The following RBFOX1 variants were observed in gnomAD, a reference collection of about 807,000 sequenced individuals.
RBFOX1 encodes RNA binding fox-1 homolog 1, also known as RNA binding protein fox-1 homolog 1.
RBFOX1 carries 8 observed loss-of-function variants against 57.7 expected under a neutral mutation model. That is an observed-to-expected ratio of 0.14 (90% CI 0.08 to 0.25). The LOEUF (loss-of-function observed/expected upper bound fraction) is 0.25, where lower values mean the gene tolerates loss of function less well. RBFOX1 is among the 10% of genes least tolerant of loss of function. The pLI is 1.00. For missense variants in RBFOX1, 611 were observed against 548.5 expected (o/e 1.11, Z -1.14); for synonymous variants, 326 against 222.4 (o/e 1.47, Z -4.15).
chr16:6,086,881 G>C (rs182319367), intron 1 of RBFOX1, among the ~76,000 whole-genome samples: 1 of 152,150 alleles, frequency 6.6e-6, no homozygotes, highest in East Asian at 1.9e-4. Flanking sequence ...TTCTGGTTTA[G>C]GGTCTTTCCT....
intron 3 of RBFOX1, among the ~76,000 whole-genome samples, chr16:6,734,124 G>T (rs898525074): frequency 2.0e-5 from 3 of 152,126 alleles, no homozygotes; most frequent in African/African-American, 7.2e-5. Flanking sequence ...ACAGGGATCC[G>T]CCAGAATTAT....
chr16:7,626,485 G>T (rs2060090727), intron 10 of RBFOX1, among the ~76,000 whole-genome samples: 1 of 152,162 alleles, frequency 6.6e-6, no homozygotes, highest in Non-Finnish European at 1.5e-5. Context: ...CAGAGTGGGC[G>T]AACGTGACAG....
intron 5 of RBFOX1, among the ~76,000 whole-genome samples, chr16:7,531,649 C>T (rs974513604): frequency 6.6e-6 from 1 of 152,058 alleles, no homozygotes; most frequent in African/African-American, 2.4e-5. Context: ...TGTGATCATA[C>T]CACGATTACG....
At chr16:6,059,412 C>T (rs7200198) in intron 1 of RBFOX1, among the ~76,000 whole-genome samples, 46,859 of 151,822 alleles carry the variant, frequency 0.31, 7,319 homozygotes, top group Admixed American at 0.33. Flanking sequence ...TATTATTGCA[C>T]GCAATATAAA....
intron 3 of RBFOX1, among the ~76,000 whole-genome samples, chr16:5,785,632 A>C (rs1597244884): frequency 6.6e-6 from 1 of 151,690 alleles, no homozygotes; most frequent in African/African-American, 2.4e-5. Context: ...GGTTCAAGTG[A>C]TTCTCCTGCC....
At chr16:6,492,600 ATAAG>A (rs934970347) in intron 2 of RBFOX1, among the ~76,000 whole-genome samples, 75 of 144,010 alleles carry the variant, frequency 5.2e-4, no homozygotes, top group African/African-American at 1.8e-3. Flanking sequence ...AAATAAATAA[ATAAG>A]TATGTACTTT....
At chr16:5,977,403 C>T (rs1475342104) in intron 4 of RBFOX1, among the ~76,000 whole-genome samples, 2 of 152,188 alleles carry the variant, frequency 1.3e-5, no homozygotes, top group African/African-American at 4.8e-5. Context: ...CTATGTGTCC[C>T]TACGATCCCT....
intron 2 of RBFOX1, among the ~76,000 whole-genome samples, chr16:6,597,056 G>A (rs1272288839): frequency 6.6e-6 from 1 of 152,150 alleles, no homozygotes. Context: ...GCCCCCTACA[G>A]TGGCTGTTTG....
intron 3 of RBFOX1, among the ~76,000 whole-genome samples, chr16:6,672,869 T>C (rs1421893967): frequency 6.6e-6 from 1 of 152,136 alleles, no homozygotes; most frequent in African/African-American, 2.4e-5. Context: ...TATGGGTCAC[T>C]TGCCCCCTTT....
chr16:5,954,878 C>G (rs1865733), intron 4 of RBFOX1, among the ~76,000 whole-genome samples: 33,188 of 151,670 alleles, frequency 0.22, 4,223 homozygotes, highest in East Asian at 0.33. Context: ...GACTGAGTAA[C>G]TTGAAATTTA....
chr16:6,932,600 A>G (rs1464273667), intron 3 of RBFOX1, among the ~76,000 whole-genome samples: 1 of 152,050 alleles, frequency 6.6e-6, no homozygotes, highest in Non-Finnish European at 1.5e-5. Flanking sequence ...TCCTCATCCC[A>G]CGGGCCTGTC....
intron 5 of RBFOX1, among the ~76,000 whole-genome samples, chr16:7,520,623 C>T (rs1174257923): frequency 6.6e-6 from 1 of 152,198 alleles, no homozygotes; most frequent in African/African-American, 2.4e-5. Context: ...TTCTTCTGAA[C>T]ACTCCTGCTG....
At chr16:6,835,749 G>A (rs1355156941) in intron 3 of RBFOX1, among the ~76,000 whole-genome samples, 1 of 85,718 alleles carries the variant, frequency 1.2e-5, no homozygotes, top group Non-Finnish European at 2.0e-5. Flanking sequence ...GTAAGACTCT[G>A]CTTAAAAAAA....
intron 3 of RBFOX1, among the ~76,000 whole-genome samples, chr16:7,041,271 T>A (rs189404445): frequency 7.9e-5 from 12 of 152,066 alleles, no homozygotes; most frequent in Non-Finnish European, 1.6e-4. Context: ...GTGGCACCCA[T>A]TTGTTTACAC....
rs1048961592 is a variant in RBFOX1, at chr16:6,875,859, A to G, written c.-15-176198A>G. 3.3e-5 allele frequency among the ~76,000 whole-genome samples: 5 copies of G among 152,060 alleles called. No homozygotes were observed. In the East Asian group the frequency reaches 5.8e-4, roughly 18 times the overall value. Reference sequence around the variant, plus strand: ...ATCTCTACAAAAAAATTAGCCAGTCATGGTGGTCCATGCGTGGAATCCAGG... The same window carrying G: ...ATCTCTACAAAAAAATTAGCCAGTCGTGGTGGTCCATGCGTGGAATCCAGG... On this transcript the variant is annotated intron_variant, in intron 3 of 15. Transcript: ENST00000550418.
chr16:5,475,785 C>T (rs1597218692), intron 2 of RBFOX1, among the ~76,000 whole-genome samples: 2 of 152,180 alleles, frequency 1.3e-5, no homozygotes, highest in Non-Finnish European at 1.5e-5. Context: ...GTGCCTGGAC[C>T]TGGCTCTAGT....
intron 3 of RBFOX1, among the ~76,000 whole-genome samples, chr16:5,678,423 C>G (rs1399649815): frequency 6.6e-6 from 1 of 152,166 alleles, no homozygotes; most frequent in Non-Finnish European, 1.5e-5. Flanking sequence ...TTCTATTGTT[C>G]TTAAACAAGA....
chr16:6,528,659 T>C (rs2096614968), intron 2 of RBFOX1, among the ~76,000 whole-genome samples: 2 of 152,204 alleles, frequency 1.3e-5, no homozygotes, highest in Admixed American at 1.3e-4. Context: ...CATCTTGATA[T>C]CACTTGTGCT....
At chr16:6,630,620 A>C (rs995263632) in intron 2 of RBFOX1, among the ~76,000 whole-genome samples, 5 of 152,214 alleles carry the variant, frequency 3.3e-5, no homozygotes, top group Non-Finnish European at 5.9e-5. Context: ...AGTAGGAATC[A>C]GAAACCCAAT....
Sources: allele counts gnomAD v4.1 joint callset (sites outside exome capture counted in the v4.1 genomes callset), GRCh38; gene constraint gnomAD v4.1.1; transcripts MANE v1.5; gene names NCBI Gene and HGNC (gene_info 2026-07-23, HGNC 2026-07-21).